The following RABGAP1L variants were observed in gnomAD, a reference collection of about 807,000 sequenced individuals.
The protein encoded by RABGAP1L is rab GTPase-activating protein 1-like.
RABGAP1L carries 63 observed loss-of-function variants against 137.7 expected under a neutral mutation model. The observed-to-expected ratio is 0.46, with a 90% CI of 0.37 to 0.56. The LOEUF is 0.56. Among genes scored for constraint, RABGAP1L ranks in the 20% least tolerant of loss-of-function variants. The probability of loss-of-function intolerance (pLI) is 0.00; values close to 1 mark genes in which losing one functional copy is unlikely to be tolerated. For synonymous variants in RABGAP1L, 431 were observed against 433.7 expected, an observed-to-expected ratio of 0.99 and a Z score of 0.08; for missense variants, 1,095 against 1,244.0, an observed-to-expected ratio of 0.88 and a Z score of 1.80.
At chr1:174,838,917 C>CAAAAAAAAAAAAAAAAAAAA (rs58265128) in intron 19 of RABGAP1L, among the ~76,000 whole-genome samples, 1 of 22,456 alleles carries the variant, frequency 4.5e-5, no homozygotes. Context: ...GACTCCGTCT[C>CAAAAAAAAAAAAAAAAAAAA]AAAAAAAAAA....
chr1:174,884,370 G>A (rs1034971363), intron 19 of RABGAP1L, among the ~76,000 whole-genome samples: 5 of 152,134 alleles, frequency 3.3e-5, no homozygotes, highest in Non-Finnish European at 5.9e-5. Flanking sequence ...ATATGTCAGA[G>A]ATGGAGAAAA....
At chr1:174,597,893 ATTTC>A (rs1261166491) in intron 13 of RABGAP1L, among the ~76,000 whole-genome samples, 1 of 152,040 alleles carries the variant, frequency 6.6e-6, no homozygotes, top group African/African-American at 2.4e-5. Context: ...TTCCTTCTTA[ATTTC>A]TTCATTGACT....
intron 13 of RABGAP1L, among the ~76,000 whole-genome samples, chr1:174,563,756 C>G (rs909013397): frequency 6.6e-6 from 1 of 152,084 alleles, no homozygotes; most frequent in East Asian, 1.9e-4. Context: ...GCTAGCATCT[C>G]CAGTGGCACA....
intron 21 of RABGAP1L, among the ~76,000 whole-genome samples, chr1:174,971,189 T>C (rs1484136719): frequency 6.6e-6 from 1 of 151,534 alleles, no homozygotes; most frequent in African/African-American, 2.4e-5. Context: ...CCACCATAGG[T>C]TAACTAAAAA....
chr1:174,502,985 T>C (rs957374581), intron 13 of RABGAP1L, among the ~76,000 whole-genome samples: 2 of 151,836 alleles, frequency 1.3e-5, no homozygotes, highest in African/African-American at 4.8e-5. Flanking sequence ...TAGAAGAGAG[T>C]GTGTGTATGT....
intron 19 of RABGAP1L, among the ~76,000 whole-genome samples, chr1:174,920,923 G>T (rs1164503973): frequency 6.6e-6 from 1 of 151,948 alleles, no homozygotes; most frequent in Non-Finnish European, 1.5e-5. Context: ...GTGGTACTTT[G>T]TTTTTTTGTT....
At chr1:174,497,472 C>CAGGGT (rs1660851191) in intron 13 of RABGAP1L, among the ~76,000 whole-genome samples, 1 of 152,188 alleles carries the variant, frequency 6.6e-6, no homozygotes, top group African/African-American at 2.4e-5. Flanking sequence ...TCAGCCCTGT[C>CAGGGT]CTTCAAAACC....
chr1:174,470,503 A>T (rs1266825053), intron 13 of RABGAP1L, among the ~76,000 whole-genome samples: 1 of 152,218 alleles, frequency 6.6e-6, no homozygotes, highest in African/African-American at 2.4e-5. Flanking sequence ...ATAGTGGCTC[A>T]GGCCTGTAAT....
chr1:174,231,227 A>G lies in RABGAP1L; in HGVS notation c.414A>G (p.Gly138=). The part of the protein sequence containing the change: ...SVLFNKLTYL[G]CMKVSSPRNE... ...TATTTAATAAACTGACCTACTTAGG[A>G]TGTATGAAGGTTTCTTCCCCACGTA... The change falls in exon 4 of 26, where the codon GGA becomes GGG. Residue 138 remains glycine (G), a synonymous_variant. Coordinates refer to ENST00000681986, the MANE Select transcript of RABGAP1L (RefSeq NM_001366446.1). The G allele has an allele frequency of 1.2e-6, 2 of 1,613,740 alleles. No homozygotes were observed. The highest frequency in any genetic ancestry group is 1.7e-6 in the Non-Finnish European group (2 of 1,179,722).
intron 3 of RABGAP1L, among the ~76,000 whole-genome samples, chr1:174,225,639 G>C (rs997446772): frequency 6.6e-6 from 1 of 151,740 alleles, no homozygotes; most frequent in African/African-American, 2.4e-5. Flanking sequence ...TGCATACACA[G>C]TTTGCTAGTT....
intron 19 of RABGAP1L, among the ~76,000 whole-genome samples, chr1:174,939,565 A>T (rs1665492078): frequency 1.3e-5 from 2 of 152,076 alleles, no homozygotes; most frequent in Admixed American, 1.3e-4. Flanking sequence ...AAAAAAAAGA[A>T]AAAAAGAAAT....
chr1:174,177,409 A>G (rs1292979335), intron 1 of RABGAP1L, among the ~76,000 whole-genome samples: 1 of 151,750 alleles, frequency 6.6e-6, no homozygotes, highest in Non-Finnish European at 1.5e-5. Context: ...GATTGCAAAA[A>G]TTTTCTCCCG....
intron 18 of RABGAP1L, among the ~76,000 whole-genome samples, chr1:174,794,304 CTCTT>C (rs1350787192): frequency 1.3e-5 from 2 of 152,202 alleles, no homozygotes; most frequent in East Asian, 3.8e-4. Context: ...TTGACTAACT[CTCTT>C]TCTATTGTGA....
intron 18 of RABGAP1L, among the ~76,000 whole-genome samples, chr1:174,752,618 A>G (rs1464999603): frequency 1.3e-5 from 2 of 152,190 alleles, no homozygotes; most frequent in Admixed American, 6.5e-5. Flanking sequence ...TCTTTTTATC[A>G]TATGAATTGG....
At chr1:174,475,946 A>G (rs1658461142) in intron 13 of RABGAP1L, among the ~76,000 whole-genome samples, 1 of 151,966 alleles carries the variant, frequency 6.6e-6, no homozygotes, top group South Asian at 2.1e-4. Context: ...AGTATATAAC[A>G]TTATAACTTA....
intron 14 of RABGAP1L, among the ~76,000 whole-genome samples, chr1:174,650,578 G>A (rs1479589933): frequency 2.6e-5 from 4 of 151,894 alleles, no homozygotes; most frequent in African/African-American, 7.3e-5. Flanking sequence ...TGTACGTGTC[G>A]AGGAATTTAT....
chr1:174,420,650 G>A (rs190249752), intron 13 of RABGAP1L, among the ~76,000 whole-genome samples: 13 of 149,766 alleles, frequency 8.7e-5, no homozygotes, highest in Non-Finnish European at 1.3e-4. Flanking sequence ...TTTTGTTTGA[G>A]TATCCAGTGT....
At chr1:174,830,537 C>T (rs1692003811) in intron 19 of RABGAP1L, among the ~76,000 whole-genome samples, 1 of 146,674 alleles carries the variant, frequency 6.8e-6, no homozygotes, top group African/African-American at 2.5e-5. Context: ...AGTGCAGTGG[C>T]ACGATGTCGG....
chr1:174,842,227 T>A (rs929918961), intron 19 of RABGAP1L, among the ~76,000 whole-genome samples: 5 of 152,226 alleles, frequency 3.3e-5, no homozygotes, highest in African/African-American at 1.2e-4. Context: ...CATGTTGAAT[T>A]CTTCAGCATC....
Sources: gnomAD v4.1 joint callset for allele counts (sites outside exome capture counted in the v4.1 genomes callset) on GRCh38, gnomAD v4.1.1 for gene constraint, MANE v1.5 for transcripts, NCBI Gene and HGNC (gene_info 2026-07-23, HGNC 2026-07-21) for gene names.